GPHN: variants seen among roughly 807,000 people sequenced by gnomAD.
GPHN encodes the protein gephyrin.
GPHN carries 17 observed loss-of-function variants against 95.5 expected under a neutral mutation model. The observed-to-expected ratio is 0.18, with a 90% confidence interval of 0.12 to 0.27. The LOEUF (loss-of-function observed/expected upper bound fraction) is 0.27, where lower values mean the gene tolerates loss of function less well. Among genes scored for constraint, GPHN ranks in the 10% least tolerant of loss-of-function variants. GPHN has a pLI of 1.00. For missense variants in GPHN, 660 were observed against 978.1 expected (o/e 0.67, Z 4.34); for synonymous variants, 320 against 322.5 (o/e 0.99, Z 0.08).
chr14:67,473,620 G>T, the GPHN span: 3 of 1,591,846 alleles, frequency 1.9e-6, no homozygotes, highest in Non-Finnish European at 2.6e-6. This position sits in a 1 kb window ranked among gnomAD's most constrained non-coding sequence, Gnocchi z 6.5. Flanking sequence ...TAGTCCCAGG[G>T]GCAGGCGTTG....
At chr14:66,916,123 G>C in intron 6 of GPHN, 54 bp downstream of exon 6, 4 of 1,217,954 alleles carry the variant, frequency 3.3e-6, no homozygotes, top group Non-Finnish European at 4.9e-6. Flanking sequence ...GACCAGCCGT[G>C]AAAGTTAGCC....
At chr14:67,695,722 C>T in the GPHN span, 1 of 1,613,380 alleles carries the variant, frequency 6.2e-7, no homozygotes. Flanking sequence ...GCTGCAGCGG[C>T]ACCAGAGCGG....
the GPHN span, among the ~76,000 whole-genome samples, chr14:67,594,842 T>C: frequency 2.8e-3 from 426 of 152,232 alleles, 2 homozygotes; most frequent in African/African-American, 9.5e-3. Flanking sequence ...TAGCCTACCT[T>C]AAACGTGCTC....
At chr14:66,789,456 A>G (rs2059897886) in intron 3 of GPHN, among the ~76,000 whole-genome samples, 1 of 152,244 alleles carries the variant, frequency 6.6e-6, no homozygotes, top group African/African-American at 2.4e-5. Context: ...ATACACAGAC[A>G]TAAGATCCAG....
chr14:67,099,069 G>A (rs1187473660), intron 12 of GPHN, among the ~76,000 whole-genome samples: 1 of 151,692 alleles, frequency 6.6e-6, no homozygotes, highest in Admixed American at 6.6e-5. Context: ...GTAAAATGTT[G>A]ATAATTGTTG....
intron 2 of GPHN, among the ~76,000 whole-genome samples, chr14:66,726,923 G>A (rs1426176563): frequency 6.6e-6 from 1 of 152,112 alleles, no homozygotes; most frequent in Non-Finnish European, 1.5e-5. Flanking sequence ...AGGTATATAT[G>A]AAACATAAAT....
the GPHN span, among the ~76,000 whole-genome samples, chr14:67,451,880 G>T: frequency 1.3e-5 from 2 of 152,296 alleles, 1 homozygote; most frequent in South Asian, 4.1e-4. Flanking sequence ...GATATGGTTT[G>T]GCTCTGTGTC....
intron 11 of GPHN, among the ~76,000 whole-genome samples, chr14:67,083,728 G>A (rs1309226608): frequency 6.6e-6 from 1 of 152,086 alleles, no homozygotes; most frequent in Non-Finnish European, 1.5e-5. Flanking sequence ...GCAGCAAAAA[G>A]GAAAATAACA....
At chr14:66,566,764 C>T (rs56041119) in intron 1 of GPHN, among the ~76,000 whole-genome samples, 5,994 of 152,182 alleles carry the variant, frequency 0.039, 173 homozygotes, top group Middle Eastern at 0.065. Context: ...CAGAATAGAG[C>T]AGAGAACATC....
At chr14:67,393,813 A>T in the GPHN span, among the ~76,000 whole-genome samples, 17 of 152,172 alleles carry the variant, frequency 1.1e-4, no homozygotes, top group Non-Finnish European at 2.4e-4. Flanking sequence ...CTCACCCCTC[A>T]TAAAGATGTT....
chr14:67,633,399 T>C, the GPHN span, among the ~76,000 whole-genome samples: 1 of 152,210 alleles, frequency 6.6e-6, no homozygotes, highest in Non-Finnish European at 1.5e-5. Context: ...AGAGGTGACA[T>C]TTCAGCGATA....
chr14:67,419,718 G>A, the GPHN span, among the ~76,000 whole-genome samples: 1 of 152,098 alleles, frequency 6.6e-6, no homozygotes, highest in Non-Finnish European at 1.5e-5. Context: ...GCGTGGTGGC[G>A]GGCTCCTGTA....
intron 11 of GPHN, among the ~76,000 whole-genome samples, chr14:67,082,240 G>A (rs2076722429): frequency 6.6e-6 from 1 of 152,160 alleles, no homozygotes; most frequent in African/African-American, 2.4e-5. Context: ...AGCATGGGAT[G>A]TGTTTCCATT....
chr14:66,894,654 C>T (rs551597969), intron 5 of GPHN, among the ~76,000 whole-genome samples: 102 of 152,238 alleles, frequency 6.7e-4, no homozygotes, highest in African/African-American at 2.3e-3. Context: ...AGCACTCAAA[C>T]AAATTTGCAA....
chr14:67,022,534 ATTTTTCCTTTTTTT>A (rs1167625115), intron 9 of GPHN, among the ~76,000 whole-genome samples: 1 of 17,212 alleles, frequency 5.8e-5, no homozygotes, highest in African/African-American at 2.2e-4. Context: ...ATTTGGAATT[ATTTTTCCTTTTTTT>A]TTTTTTTTTT....
the GPHN span, chr14:67,388,345 A>T: frequency 8.0e-7 from 1 of 1,245,378 alleles, no homozygotes; most frequent in Non-Finnish European, 1.2e-6. Context: ...GTGAATGAAC[A>T]AAAGGGAAGA....
chr14:66,754,385 G>C (rs1250196092), intron 2 of GPHN, among the ~76,000 whole-genome samples: 1 of 151,918 alleles, frequency 6.6e-6, no homozygotes, highest in Non-Finnish European at 1.5e-5. Context: ...TATACTACTA[G>C]TGACTTTCAT....
At chr14:66,593,827 T>G (rs934568451) in intron 1 of GPHN, among the ~76,000 whole-genome samples, 1 of 152,126 alleles carries the variant, frequency 6.6e-6, no homozygotes. Context: ...ACCAGAACAG[T>G]TAGGCAAGTC....
intron 19 of GPHN, among the ~76,000 whole-genome samples, chr14:67,161,890 C>CT (rs779444164): frequency 2.4e-4 from 36 of 152,188 alleles, no homozygotes; most frequent in Non-Finnish European, 4.8e-4. Flanking sequence ...CTTTTATACT[C>CT]TTTTTTTCAA....
Sources: gnomAD v4.1 joint callset for allele counts (sites outside exome capture counted in the v4.1 genomes callset) on GRCh38, gnomAD v4.1.1 for gene constraint, Gnocchi (gnomAD v3.1) non-coding constraint, MANE v1.5 for transcripts, NCBI Gene and HGNC (gene_info 2026-07-23, HGNC 2026-07-21) for gene names.